Variants in PRKCI observed in about 807,000 individuals in gnomAD.
PRKCI encodes the protein protein kinase C iota.
PRKCI carries 43 observed loss-of-function variants against 84.0 expected under a neutral mutation model. The ratio of observed to expected loss-of-function variants is 0.51; its 90% CI spans 0.40 to 0.66. The LOEUF is 0.66. Among genes scored for constraint, PRKCI ranks in the 30% least tolerant of loss-of-function variants. The pLI is 0.00. For synonymous variants in PRKCI, 216 were observed against 234.4 expected (o/e 0.92, Z 0.72); for missense variants, 459 against 745.6 (o/e 0.62, Z 4.48).
chr3:170,267,049 G>A (rs1240065413), intron 4 of PRKCI, among the ~76,000 whole-genome samples: 1 of 152,060 alleles, frequency 6.6e-6, no homozygotes, highest in Non-Finnish European at 1.5e-5. Flanking sequence ...ATTGTATACT[G>A]GTTGATATTG....
At chr3:170,291,136 C>A (rs1560185027) in intron 12 of PRKCI, among the ~76,000 whole-genome samples, 3 of 145,986 alleles carry the variant, frequency 2.1e-5, no homozygotes, top group Non-Finnish European at 3.0e-5. Context: ...ACTCTGTCTC[C>A]AAAAAAAAAA....
intron 8 of PRKCI, among the ~76,000 whole-genome samples, chr3:170,278,463 G>A (rs1734170399): frequency 6.6e-6 from 1 of 152,108 alleles, no homozygotes; most frequent in Non-Finnish European, 1.5e-5. Flanking sequence ...ACCAGCCTTG[G>A]CAACATAGCA....
rs1054440998 is a variant in PRKCI, at chr3:170,301,993, G to A, written c.1704-1047G>A. ...AGTCTTAGCTACTCACCATTCCCTA[G>A]TAGTATTATTGTCTCTGCTTCTGCC... On this transcript the variant is annotated intron_variant, in intron 17 of 17. Transcript: ENST00000295797. Among the ~76,000 whole-genome samples, 13 of 152,070 alleles carry A rather than the reference G, an allele frequency of 8.5e-5. No individual in the cohort carries two copies. In the East Asian group the frequency reaches 2.5e-3, roughly 29 times the overall value.
chr3:170,270,386 TG>T (rs1398432744), intron 5 of PRKCI, 34 bp from the exon 6 acceptor site: 2 of 1,564,990 alleles, frequency 1.3e-6, no homozygotes, highest in Non-Finnish European at 1.7e-6. Flanking sequence ...ATGACCTTCT[TG>T]GTTAATAAAA....
Position 170,303,059 on chromosome 3 carries a change from G to C in PRKCI, c.1723G>C (p.Asp575His), listed in dbSNP as rs1734860942. 1 of 1,600,708 alleles carries C rather than the reference G, an allele frequency of 6.2e-7. No individual in the cohort carries two copies. Among genetic ancestry groups the C allele is most frequent in the Admixed American group, 1.7e-5 (1 of 58,480 alleles). ...PDDDDIVRKIDQSEFEGFEYI... is the reference protein window; with the variant it reads ...PDDDDIVRKIHQSEFEGFEYI... ...CAACAGTGACATTGTGAGGAAGATT[G>C]ATCAGTCTGAATTTGAAGGTTTTGA... Residue 575 changes from aspartate to histidine, a missense_variant, in exon 18 of 18, where the codon GAT becomes CAT. This residue lies in a region of PRKCI where 209 missense variants were observed against 425.9 expected (regional missense o/e 0.49). Coordinates refer to ENST00000295797, the MANE Select transcript of PRKCI (RefSeq NM_002740.6).
At chr3:170,280,103 A>G in intron 8 of PRKCI, 124 bp from the exon 9 acceptor site, 1 of 858,376 alleles carries the variant, frequency 1.2e-6, no homozygotes, top group South Asian at 2.8e-5. Context: ...AATATTAAGA[A>G]CTTAAAATAT....
At chr3:170,273,167 A>T (rs1734039179) in intron 6 of PRKCI, 119 bp from the exon 7 acceptor site, 6 of 774,092 alleles carry the variant, frequency 7.8e-6, no homozygotes, top group Admixed American at 5.1e-5. Flanking sequence ...GTAAATTCTC[A>T]CTTAAGTTAT....
chr3:170,250,047 C>T (rs768333092), intron 2 of PRKCI, among the ~76,000 whole-genome samples: 10 of 151,692 alleles, frequency 6.6e-5, no homozygotes, highest in African/African-American at 1.5e-4. Context: ...AGGCCTAGGC[C>T]GGTGGATCAC....
intron 2 of PRKCI, among the ~76,000 whole-genome samples, chr3:170,247,067 G>T (rs186144149): frequency 6.6e-6 from 1 of 151,720 alleles, no homozygotes; most frequent in African/African-American, 2.4e-5. Context: ...CTGCTTTTAA[G>T]ACTTTTTTGT....
chr3:170,247,484 A>G (rs1733314612), intron 2 of PRKCI, among the ~76,000 whole-genome samples: 1 of 151,862 alleles, frequency 6.6e-6, no homozygotes, highest in Non-Finnish European at 1.5e-5. Flanking sequence ...TAATCCCAGC[A>G]CTTTGGGAGG....
intron 2 of PRKCI, among the ~76,000 whole-genome samples, chr3:170,246,578 A>AG (rs561194944): frequency 6.5e-4 from 99 of 151,566 alleles, no homozygotes; most frequent in Non-Finnish European, 1.2e-3. Flanking sequence ...TACAGGCATG[A>AG]GCCACCATGC....
intron 10 of PRKCI, 111 bp from the exon 11 acceptor site, chr3:170,281,771 T>G (rs1734257346): frequency 7.1e-7 from 1 of 1,407,446 alleles, no homozygotes; most frequent in African/African-American, 1.5e-5. Flanking sequence ...TTGGCATCTT[T>G]TTAAAGGCTA....
At position 170,235,283 on chromosome 3, in the gene PRKCI, A is replaced by G. The variant is rs369333148; in HGVS notation, c.155A>G (p.Asn52Ser). The part of the protein sequence containing the change: ...EPSISFEGLC[N>S]EVRDMCSFDN... ...TCCATCTCCTTTGAGGGCCTTTGCA[A>G]TGAGGTTCGAGACATGTGTTCTTTT... Residue 52 changes from asparagine to serine, a missense_variant, in exon 2 of 18, where the codon AAT becomes AGT. Physicochemically the swap from Asn to Ser is conservative, Grantham distance 46. Coordinates refer to ENST00000295797, the MANE Select transcript of PRKCI (RefSeq NM_002740.6). The G allele has an allele frequency of 3.5e-5, 57 of 1,613,958 alleles. No homozygotes were observed. Among genetic ancestry groups the G allele is most frequent in the South Asian group, 5.5e-5 (5 of 91,084 alleles).
chr3:170,239,990 T>A (rs1342893743), intron 2 of PRKCI, among the ~76,000 whole-genome samples: 1 of 152,042 alleles, frequency 6.6e-6, no homozygotes, highest in Non-Finnish European at 1.5e-5. Context: ...ACCCTGTCCC[T>A]ACAAAAAAAA....
intron 1 of PRKCI, among the ~76,000 whole-genome samples, chr3:170,234,951 T>C (rs1732930353): frequency 6.6e-6 from 1 of 151,982 alleles, no homozygotes; most frequent in Non-Finnish European, 1.5e-5. Context: ...ATTTTTTTTT[T>C]GTATTTTTAG....
At chr3:170,252,030 A>G (rs1464454421) in intron 2 of PRKCI, among the ~76,000 whole-genome samples, 1 of 152,146 alleles carries the variant, frequency 6.6e-6, no homozygotes, top group African/African-American at 2.4e-5. Flanking sequence ...CCTGGCTAAC[A>G]CAGAGAAACC....
intron 3 of PRKCI, among the ~76,000 whole-genome samples, chr3:170,261,459 T>TAAAA (rs1192417978): frequency 7.8e-6 from 1 of 128,036 alleles, no homozygotes; most frequent in African/African-American, 3.4e-5. Context: ...GTTTTTTTTT[T>TAAAA]AAAAAAAAAA....
At position 170,278,232 on chromosome 3, in the gene PRKCI, G is replaced by A. The variant is rs551204321; in HGVS notation, c.706-1995G>A. ...ACTTGATTCTCTCTTATAGTTTCCA[G>A]TTAGCCATATTTCAAGTCTATGTGT... is the stretch of plus-strand genomic sequence containing the variant. On this transcript the variant is annotated intron_variant, in intron 8 of 17. Transcript: ENST00000295797. Among the ~76,000 whole-genome samples the A allele has an allele frequency of 9.5e-4, 144 of 152,186 alleles. 1 individual carries two copies. Among genetic ancestry groups the A allele is most frequent in the African/African-American group, 3.1e-3 (127 of 41,512 alleles).
At chr3:170,265,835 A>G (rs371623561) in intron 4 of PRKCI, among the ~76,000 whole-genome samples, 52 of 151,536 alleles carry the variant, frequency 3.4e-4, no homozygotes, top group African/African-American at 1.2e-3. Context: ...GCTAGCCAGG[A>G]TGGTCTCAAT....
Sources: gnomAD v4.1 joint callset for allele counts (sites outside exome capture counted in the v4.1 genomes callset) on GRCh38, gnomAD v4.1.1 for gene constraint, gnomAD v4.1.1 regional missense constraint, MANE v1.5 for transcripts, NCBI Gene and HGNC (gene_info 2026-07-23, HGNC 2026-07-21) for gene names.